The following CDC73 variants were observed in gnomAD, a reference collection of about 807,000 sequenced individuals.
CDC73 encodes the protein cell division cycle 73.
CDC73 carries 21 observed loss-of-function variants against 83.7 expected under a neutral mutation model. That is an observed-to-expected ratio of 0.25 (90% CI 0.18 to 0.36). The LOEUF (loss-of-function observed/expected upper bound fraction) is 0.36, where lower values mean the gene tolerates loss of function less well. Among genes scored for constraint, CDC73 ranks in the 10% least tolerant of loss-of-function variants. The probability of loss-of-function intolerance (pLI) is 1.00; values close to 1 mark genes in which losing one functional copy is unlikely to be tolerated. For missense variants in CDC73, 342 were observed against 653.3 expected (o/e 0.52, Z 5.19); for synonymous variants, 224 against 212.9 (o/e 1.05, Z -0.45).
rs912642882 is a variant in CDC73 at position 193,207,509 on chromosome 1, A to G, written c.1030+3657A>G. Among the ~76,000 whole-genome samples, 3 of 152,250 alleles carry G rather than the reference A, an allele frequency of 2.0e-5. 1 individual carries two copies. In the South Asian group the frequency reaches 6.2e-4, roughly 32 times the overall value. On this transcript the variant is annotated intron_variant, in intron 11 of 16. Transcript: ENST00000367435. ...CACATAAGACAGACACTCCCAGAGC[A>G]GCCCTTTATAGACCTCCCCCCAGAA...
chr1:193,196,235 G>A (rs1677001592), intron 10 of CDC73, among the ~76,000 whole-genome samples: 1 of 152,190 alleles, frequency 6.6e-6, no homozygotes, highest in Non-Finnish European at 1.5e-5. Flanking sequence ...AGCACCATTT[G>A]TTGAAAAGGC....
chr1:193,180,508 C>A, intron 10 of CDC73: 1 of 1,614,028 alleles, frequency 6.2e-7, no homozygotes, highest in Non-Finnish European at 8.5e-7. Context: ...AGGATCAATT[C>A]TCAACTTGGC....
At chr1:193,189,873 T>C (rs1290024985) in intron 10 of CDC73, among the ~76,000 whole-genome samples, 2 of 152,258 alleles carry the variant, frequency 1.3e-5, no homozygotes, top group Non-Finnish European at 2.9e-5. Flanking sequence ...TGGAGTTACA[T>C]CATCTGTTTA....
intron 7 of CDC73, among the ~76,000 whole-genome samples, chr1:193,144,231 C>A (rs1323663974): frequency 6.6e-6 from 1 of 150,454 alleles, no homozygotes; most frequent in Admixed American, 6.7e-5. Flanking sequence ...TTTAAACTTA[C>A]ATAAATTAGG....
chr1:193,212,840 C>A (rs1012972930), intron 13 of CDC73, among the ~76,000 whole-genome samples: 4 of 151,832 alleles, frequency 2.6e-5, no homozygotes, highest in Admixed American at 2.6e-4. Context: ...AGTAAGTGGG[C>A]GGGTAGGTGG....
chr1:193,218,133 G>T (rs528489723), intron 13 of CDC73, among the ~76,000 whole-genome samples: 1 of 152,166 alleles, frequency 6.6e-6, no homozygotes, highest in African/African-American at 2.4e-5. Flanking sequence ...ACCAACTCAA[G>T]AATTCAGTCC....
At chr1:193,203,955 A>G (rs1677135500) in intron 11 of CDC73, 103 bp downstream of exon 11, 1 of 903,370 alleles carries the variant, frequency 1.1e-6, no homozygotes, top group Non-Finnish European at 1.8e-6. Context: ...ATTTTACTTA[A>G]AATACATTGC....
intron 10 of CDC73, chr1:193,161,153 G>T (rs775705361): frequency 4.0e-4 from 71 of 176,596 alleles, no homozygotes; most frequent in Non-Finnish European, 7.5e-4. Flanking sequence ...TTCTTTTAGT[G>T]TTGTTCTTCT....
chr1:193,207,876 A>G (rs1377502593), intron 11 of CDC73, among the ~76,000 whole-genome samples: 1 of 152,232 alleles, frequency 6.6e-6, no homozygotes, highest in Non-Finnish European at 1.5e-5. Context: ...TAAGAGTATT[A>G]TTAGGGAAGG....
At chr1:193,204,288 T>TA (rs553498877) in intron 11 of CDC73, among the ~76,000 whole-genome samples, 5,692 of 124,724 alleles carry the variant, frequency 0.046, 105 homozygotes, top group Middle Eastern at 0.065. Context: ...TATATATATA[T>TA]TTTTTTTTTT....
chr1:193,143,474 G>A (rs781404331), intron 7 of CDC73, among the ~76,000 whole-genome samples: 8 of 151,976 alleles, frequency 5.3e-5, no homozygotes, highest in Non-Finnish European at 8.8e-5. Context: ...GAAGTGAACA[G>A]TTTTCTTTGA....
intron 10 of CDC73, among the ~76,000 whole-genome samples, chr1:193,170,436 T>G (rs1676501071): frequency 6.6e-6 from 1 of 152,222 alleles, no homozygotes; most frequent in Non-Finnish European, 1.5e-5. Context: ...TACCTTTTTC[T>G]ACACAACTTT....
At chr1:193,237,370 C>T (rs1413837247) in intron 15 of CDC73, among the ~76,000 whole-genome samples, 1 of 151,844 alleles carries the variant, frequency 6.6e-6, no homozygotes, top group East Asian at 1.9e-4. Context: ...GGAAATTGGT[C>T]AGGGTGGTGG....
At chr1:193,181,275 T>A in intron 10 of CDC73, 1 of 1,614,124 alleles carries the variant, frequency 6.2e-7, no homozygotes, top group Non-Finnish European at 8.5e-7. Flanking sequence ...TAGAGTTAGT[T>A]GCTGTTTGAG....
chr1:193,147,706 T>C (rs1199291680), intron 7 of CDC73, among the ~76,000 whole-genome samples, 161 bp from the exon 8 acceptor site: 1 of 152,198 alleles, frequency 6.6e-6, no homozygotes, highest in African/African-American at 2.4e-5. Context: ...TGGATCAATA[T>C]CTTAGTAGTG....
chr1:193,179,044 G>T lies in CDC73; in HGVS notation c.973-24751G>T, dbSNP rs555301765. The T allele has an allele frequency of 2.6e-5, 4 of 152,244 alleles. No individual in the cohort carries two copies. The East Asian group carries it at 5.8e-4, about 22-fold the overall frequency. The allele number at this position is 152,244 out of a possible 1,614,324, so 9.4% of individuals were successfully genotyped here. On this transcript the variant is annotated intron_variant, in intron 10 of 16. Transcript: ENST00000367435. ...ATTGTGAAAATACTTATAACACTCA[G>T]TAAAGTTTTTTGTTTTCCTTTATTT... is the stretch of plus-strand genomic sequence containing the variant.
At chr1:193,122,530 C>T (rs1039640436) in intron 1 of CDC73, 199 bp downstream of exon 1, 3 of 604,128 alleles carry the variant, frequency 5.0e-6, no homozygotes, top group African/African-American at 3.7e-5. Flanking sequence ...AGCAGTTCAT[C>T]ACTTAAAATT....
chr1:193,132,513 A>G (rs1208758977), intron 3 of CDC73, among the ~76,000 whole-genome samples: 5 of 152,016 alleles, frequency 3.3e-5, no homozygotes, highest in Non-Finnish European at 5.9e-5. Flanking sequence ...GGGTCTCGCT[A>G]CATTGTTCAG....
intron 13 of CDC73, among the ~76,000 whole-genome samples, chr1:193,227,933 C>G (rs1221386309): frequency 6.6e-6 from 1 of 152,118 alleles, no homozygotes; most frequent in African/African-American, 2.4e-5. Context: ...CTTTAACATC[C>G]TAAGTTGTAT....
Sources: gnomAD v4.1 joint callset for allele counts (sites outside exome capture counted in the v4.1 genomes callset) on GRCh38, gnomAD v4.1.1 for gene constraint, MANE v1.5 for transcripts, NCBI Gene and HGNC (gene_info 2026-07-23, HGNC 2026-07-21) for gene names.